Variants in CYYR1 observed in about 807,000 individuals in gnomAD.
CYYR1 encodes the protein cysteine and tyrosine rich 1.
In CYYR1, 14 loss-of-function variants were observed where a neutral mutation model predicts 15.2. That is an observed-to-expected ratio of 0.92 (90% CI 0.61 to 1.44). CYYR1 has a LOEUF of 1.44. Ranked by LOEUF, CYYR1 falls within the 40% of genes most tolerant of loss-of-function variation. The pLI, the probability that CYYR1 is intolerant of heterozygous loss-of-function variation, is 0.00. For missense variants in CYYR1, 228 were observed against 209.5 expected, an observed-to-expected ratio of 1.09 and a Z score of -0.54; for synonymous variants, 80 against 77.4, an observed-to-expected ratio of 1.03 and a Z score of -0.18.
intron 2 of CYYR1, among the ~76,000 whole-genome samples, chr21:26,491,997 C>T (rs2065335383): frequency 6.6e-6 from 1 of 152,200 alleles, no homozygotes; most frequent in Non-Finnish European, 1.5e-5. Context: ...GACTCAACAG[C>T]TCCTGCCCAG....
chr21:26,497,187 C>T (rs943010547), intron 2 of CYYR1, among the ~76,000 whole-genome samples: 7 of 152,046 alleles, frequency 4.6e-5, no homozygotes, highest in African/African-American at 7.2e-5. Context: ...AGATTTAATT[C>T]GATAAGGGGC....
At chr21:26,525,619 T>C (rs979295736) in intron 2 of CYYR1, among the ~76,000 whole-genome samples, 7 of 152,236 alleles carry the variant, frequency 4.6e-5, no homozygotes, top group African/African-American at 1.2e-4. Flanking sequence ...TCTTAACGTG[T>C]GTTCAGGATA....
At chr21:26,515,902 C>A (rs2065722055) in intron 2 of CYYR1, among the ~76,000 whole-genome samples, 1 of 152,210 alleles carries the variant, frequency 6.6e-6, no homozygotes, top group Non-Finnish European at 1.5e-5. Context: ...TGTTTCCACA[C>A]TAGCCCTCCC....
intron 2 of CYYR1, among the ~76,000 whole-genome samples, chr21:26,543,196 C>T (rs1229360927): frequency 3.3e-5 from 5 of 151,954 alleles, no homozygotes; most frequent in Middle Eastern, 3.2e-3. Flanking sequence ...GTGGTGGATG[C>T]GGGGAGGAAG....
At chr21:26,478,175 A>G in intron 3 of CYYR1, 1 of 1,547,856 alleles carries the variant, frequency 6.5e-7, no homozygotes, top group Non-Finnish European at 8.7e-7. Flanking sequence ...CAACATAATG[A>G]TTAGCTAAAC....
intron 3 of CYYR1, chr21:26,471,444 A>G (rs957294194): frequency 1.3e-5 from 2 of 152,160 alleles, no homozygotes; most frequent in African/African-American, 2.4e-5. Context: ...AAGAATCCCT[A>G]TGGTTTATGC....
At chr21:26,469,312 T>C (rs1430238422) in intron 3 of CYYR1, among the ~76,000 whole-genome samples, 1 of 151,886 alleles carries the variant, frequency 6.6e-6, no homozygotes, top group Non-Finnish European at 1.5e-5. Context: ...AGGACTCCTA[T>C]AATTGGAGGG....
chr21:26,556,604 G>A (rs188179194), intron 2 of CYYR1, among the ~76,000 whole-genome samples: 3 of 152,226 alleles, frequency 2.0e-5, no homozygotes, highest in Non-Finnish European at 4.4e-5. Context: ...GGCAGACGGT[G>A]AAGGGGAATC....
chr21:26,470,454 G>C (rs184893969), intron 3 of CYYR1: 1 of 152,140 alleles, frequency 6.6e-6, no homozygotes, highest in African/African-American at 2.4e-5. Flanking sequence ...TGGATCATGG[G>C]GGTGGATTTC....
chr21:26,525,265 T>C (rs2065849374), intron 2 of CYYR1, among the ~76,000 whole-genome samples: 1 of 152,222 alleles, frequency 6.6e-6, no homozygotes, highest in African/African-American at 2.4e-5. Flanking sequence ...AGTTTCTACC[T>C]TTATGTCTTT....
rs368583369 is a variant in CYYR1 at position 26,481,102 on chromosome 21, G to A, written c.177-673C>T. ...AAAACCATAAATAGAAAAAAAAGCC[G>A]AATAGCAGAAAAGAGTCAACATTAT... On this transcript the variant is annotated intron_variant, in intron 2 of 3. Transcript: ENST00000652641. 1.6e-3 allele frequency among the ~76,000 whole-genome samples: 246 copies of A among 152,158 alleles called. 1 individual carries two copies. The highest frequency in any genetic ancestry group is 5.8e-3 in the African/African-American group (239 of 41,538).
intron 2 of CYYR1, among the ~76,000 whole-genome samples, chr21:26,524,911 G>C (rs2065845302): frequency 6.6e-6 from 1 of 152,168 alleles, no homozygotes; most frequent in Non-Finnish European, 1.5e-5. Context: ...CTTTATAAGA[G>C]AAATGCTGAA....
At chr21:26,547,034 T>C (rs1229890578) in intron 2 of CYYR1, among the ~76,000 whole-genome samples, 1 of 152,162 alleles carries the variant, frequency 6.6e-6, no homozygotes, top group Non-Finnish European at 1.5e-5. Flanking sequence ...TGAGCAAGGT[T>C]GAAGGTGCAT....
intron 2 of CYYR1, among the ~76,000 whole-genome samples, chr21:26,552,737 A>G (rs957652711): frequency 2.6e-5 from 4 of 152,122 alleles, no homozygotes; most frequent in African/African-American, 9.7e-5. Context: ...GTATCATTTT[A>G]GTTGGAATAT....
At chr21:26,529,270 CAT>C (rs1366700746) in intron 2 of CYYR1, among the ~76,000 whole-genome samples, 3 of 152,142 alleles carry the variant, frequency 2.0e-5, no homozygotes, top group Admixed American at 6.5e-5. Flanking sequence ...GATAATCTTA[CAT>C]ATGTTTCTTT....
At chr21:26,525,514 G>A (rs1034941355) in intron 2 of CYYR1, among the ~76,000 whole-genome samples, 19 of 152,098 alleles carry the variant, frequency 1.2e-4, no homozygotes, top group African/African-American at 4.6e-4. Context: ...AGAGGCTTCA[G>A]CACTATCACC....
chr21:26,484,511 T>A (rs1490094013), intron 2 of CYYR1, among the ~76,000 whole-genome samples: 1 of 152,080 alleles, frequency 6.6e-6, no homozygotes, highest in East Asian at 1.9e-4. Context: ...AATAGCAGAG[T>A]CCAGTAGTTT....
At chr21:26,557,193 G>T (rs1017130054) in intron 2 of CYYR1, among the ~76,000 whole-genome samples, 1 of 152,128 alleles carries the variant, frequency 6.6e-6, no homozygotes, top group South Asian at 2.1e-4. Flanking sequence ...GACAGAGAAC[G>T]CATTAAATAA....
chr21:26,563,569 C>G (rs1298734084), intron 2 of CYYR1, among the ~76,000 whole-genome samples: 2 of 151,812 alleles, frequency 1.3e-5, no homozygotes, highest in African/African-American at 4.8e-5. Flanking sequence ...GAGACTCTGT[C>G]TCAAAAATAA....
Sources: gnomAD v4.1 joint callset for allele counts (sites outside exome capture counted in the v4.1 genomes callset) on GRCh38, gnomAD v4.1.1 for gene constraint, MANE v1.5 for transcripts, NCBI Gene and HGNC (gene_info 2026-07-23, HGNC 2026-07-21) for gene names.